Variants in RARB observed in about 807,000 individuals in gnomAD.
RARB encodes the protein HBV-activated protein.
In RARB, 17 loss-of-function variants were observed where a neutral mutation model predicts 51.9. The ratio of observed to expected loss-of-function variants is 0.33; its 90% CI spans 0.22 to 0.49. The LOEUF (loss-of-function observed/expected upper bound fraction) is 0.49, where lower values mean the gene tolerates loss of function less well. RARB is among the 20% of genes least tolerant of loss of function. The pLI is 0.99. For synonymous variants in RARB, 215 were observed against 195.4 expected, an observed-to-expected ratio of 1.10 and a Z score of -0.84; for missense variants, 369 against 550.8, an observed-to-expected ratio of 0.67 and a Z score of 3.30.
At chr3:25,234,371 T>C (rs1702254556) in intron 5 of RARB, among the ~76,000 whole-genome samples, 1 of 152,158 alleles carries the variant, frequency 6.6e-6, no homozygotes, top group African/African-American at 2.4e-5. Flanking sequence ...ATCCTCTCTT[T>C]TATTCTTAAT....
intron 2 of RARB, among the ~76,000 whole-genome samples, chr3:24,955,313 C>A (rs1238523194): frequency 1.3e-5 from 2 of 152,152 alleles, no homozygotes; most frequent in African/African-American, 4.8e-5. Context: ...CTCCTCTTAA[C>A]AATCAGCCAC....
At chr3:24,921,029 G>T (rs1004691735) in intron 2 of RARB, among the ~76,000 whole-genome samples, 1 of 152,098 alleles carries the variant, frequency 6.6e-6, no homozygotes, top group Non-Finnish European at 1.5e-5. Flanking sequence ...CTGGTGCAGA[G>T]GCCTACAAAA....
chr3:25,425,175 A>G (rs1707956317), upstream of RARB, among the ~76,000 whole-genome samples: 1 of 152,194 alleles, frequency 6.6e-6, no homozygotes, highest in Non-Finnish European at 1.5e-5. Flanking sequence ...CCCTGTGGCT[A>G]ATGTTTAAAA....
chr3:25,508,126 T>G (rs1300434602), intron 3 of RARB, among the ~76,000 whole-genome samples: 2 of 152,238 alleles, frequency 1.3e-5, no homozygotes, highest in Non-Finnish European at 2.9e-5. Flanking sequence ...ATTTTTTTCC[T>G]ATGACAGTTT....
intron 5 of RARB, among the ~76,000 whole-genome samples, chr3:25,332,010 G>C (rs1350629340): frequency 9.2e-5 from 14 of 152,042 alleles, no homozygotes; most frequent in Admixed American, 7.2e-4. Context: ...CAATAACAGG[G>C]TCTGAAATTG....
At chr3:25,157,032 C>A (rs1029555787) in intron 4 of RARB, among the ~76,000 whole-genome samples, 1 of 152,084 alleles carries the variant, frequency 6.6e-6, no homozygotes, top group Admixed American at 6.5e-5. Context: ...TAATAAATCT[C>A]CTAAATTGAT....
intron 1 of RARB, among the ~76,000 whole-genome samples, chr3:24,847,149 T>G (rs950342806): frequency 3.9e-5 from 6 of 152,278 alleles, no homozygotes; most frequent in Admixed American, 3.9e-4. Context: ...CCGAATCAGG[T>G]AGTCTGAGGG....
chr3:25,212,715 C>T (rs1690514910), intron 5 of RARB, among the ~76,000 whole-genome samples: 3 of 151,938 alleles, frequency 2.0e-5, no homozygotes, highest in Middle Eastern at 3.2e-3. Flanking sequence ...ATTATCTCTC[C>T]ATCTGATGCT....
intron 5 of RARB, among the ~76,000 whole-genome samples, chr3:25,382,528 A>G (rs1257589909): frequency 2.0e-5 from 3 of 152,180 alleles, no homozygotes; most frequent in Non-Finnish European, 4.4e-5. Flanking sequence ...TCTCTGCTAA[A>G]TATGGCAGAG....
At position 25,490,523 on chromosome 3, in the gene RARB, T is replaced by A. The variant is rs545826715; in HGVS notation, c.307-10659T>A. ...AAAATTCATGCTCTTTGGTAAAGGG[T>A]TTCAGTATATATGAGCATGTTTTGG... is the stretch of plus-strand genomic sequence containing the variant. On this transcript the variant is annotated intron_variant, in intron 2 of 7. Coordinates refer to ENST00000330688, the MANE Select transcript of RARB (RefSeq NM_000965.5). Among the ~76,000 whole-genome samples, 4 of 152,176 alleles carry A rather than the reference T, an allele frequency of 2.6e-5. No individual in the cohort carries two copies. In the South Asian group the frequency reaches 8.3e-4, roughly 32 times the overall value.
chr3:25,144,058 A>C (rs1700150972), intron 4 of RARB, among the ~76,000 whole-genome samples: 1 of 152,200 alleles, frequency 6.6e-6, no homozygotes, highest in African/African-American at 2.4e-5. Context: ...ATCAATTTGC[A>C]TTCCTCTTTA....
intron 1 of RARB, among the ~76,000 whole-genome samples, chr3:24,851,142 G>A (rs566087053): frequency 2.6e-5 from 4 of 152,182 alleles, no homozygotes; most frequent in Admixed American, 6.5e-5. Flanking sequence ...TAGGTCAAGA[G>A]GTTGTGGCCA....
intron 5 of RARB, among the ~76,000 whole-genome samples, chr3:25,384,317 CCT>C (rs1288291209): frequency 3.3e-5 from 5 of 152,184 alleles, no homozygotes; most frequent in African/African-American, 1.2e-4. Flanking sequence ...TCCCTCCCTC[CCT>C]CTCTCCTAAG....
At chr3:24,946,736 T>C (rs1695784068) in intron 2 of RARB, among the ~76,000 whole-genome samples, 1 of 152,026 alleles carries the variant, frequency 6.6e-6, no homozygotes, top group South Asian at 2.1e-4. Context: ...CCAGATGTGG[T>C]ACACCTGTAG....
intron 5 of RARB, among the ~76,000 whole-genome samples, chr3:25,264,894 T>G (rs898790544): frequency 3.9e-5 from 6 of 152,232 alleles, no homozygotes; most frequent in Non-Finnish European, 2.9e-5. Flanking sequence ...ATACACTGAA[T>G]GTATACCCAG....
In RARB at chr3:25,076,428, A is replaced by T. The variant is rs570030969; in HGVS notation, c.-328+16252A>T. 1.6e-3 allele frequency among the ~76,000 whole-genome samples: 245 copies of T among 152,294 alleles called. 1 individual carries two copies. Among genetic ancestry groups the T allele is most frequent in the African/African-American group, 5.7e-3 (239 of 41,578 alleles). ...GCAGTTAATTTTTTAATTCAGGAAC[A>T]TTATATATGCTTTGTACATGTAATG... On this transcript the variant is annotated intron_variant, in intron 3 of 11. Transcript: ENST00000383772.
intron 2 of RARB, among the ~76,000 whole-genome samples, chr3:25,010,704 G>A (rs1429605082): frequency 6.6e-6 from 1 of 152,104 alleles, no homozygotes; most frequent in African/African-American, 2.4e-5. Flanking sequence ...GCAAGGTGAT[G>A]CTTAGGAAGG....
exon 5 of RARB, chr3:25,174,347 G>A (rs1426207047): frequency 7.5e-7 from 1 of 1,326,552 alleles, no homozygotes; most frequent in Non-Finnish European, 1.0e-6. Flanking sequence ...TTAAGACCTG[G>A]AGTGATGTGT....
At chr3:24,947,309 C>G (rs574279915) in intron 2 of RARB, among the ~76,000 whole-genome samples, 1 of 152,238 alleles carries the variant, frequency 6.6e-6, no homozygotes, top group East Asian at 1.9e-4. Context: ...CATCATTTCT[C>G]TGTTTACCAA....
Sources: allele counts gnomAD v4.1 joint callset (sites outside exome capture counted in the v4.1 genomes callset), GRCh38; gene constraint gnomAD v4.1.1; transcripts MANE v1.5; gene names NCBI Gene and HGNC (gene_info 2026-07-23, HGNC 2026-07-21).